Variants in FGFR1 observed in about 807,000 individuals in gnomAD.
The protein encoded by FGFR1 is fibroblast growth factor receptor 1.
A neutral mutation model predicts 93.7 loss-of-function variants in FGFR1; 18 were observed. That is an observed-to-expected ratio of 0.19 (90% CI 0.13 to 0.28). FGFR1 has a LOEUF of 0.28. Among genes scored for constraint, FGFR1 ranks in the 10% least tolerant of loss-of-function variants. The probability of loss-of-function intolerance (pLI) is 1.00; values close to 1 mark genes in which losing one functional copy is unlikely to be tolerated. For missense variants in FGFR1, 731 were observed against 1,080.4 expected, an observed-to-expected ratio of 0.68 and a Z score of 4.53; for synonymous variants, 448 against 429.3, an observed-to-expected ratio of 1.04 and a Z score of -0.54.
intron 12 of FGFR1, among the ~76,000 whole-genome samples, chr8:38,416,581 G>A (rs1357481589): frequency 2.1e-5 from 3 of 145,692 alleles, no homozygotes; most frequent in South Asian, 2.3e-4. Context: ...ACAGCCTCCC[G>A]AGTAGCTGGA....
intron 2 of FGFR1, 151 bp downstream of exon 2, chr8:38,457,205 G>T (rs956285555): frequency 4.7e-6 from 4 of 848,782 alleles, no homozygotes; most frequent in South Asian, 1.5e-5. Flanking sequence ...CAGGTATCTT[G>T]AGAGTTTCTC....
chr8:38,421,718 T>C (rs748590018), intron 8 of FGFR1, 79 bp downstream of exon 8: 5 of 1,477,530 alleles, frequency 3.4e-6, no homozygotes, highest in Non-Finnish European at 4.7e-6. Flanking sequence ...CCTCTGTGTC[T>C]CCCCAAGCCT....
In FGFR1 at chr8:38,413,638, T is replaced by C. The variant is rs2150503863; in HGVS notation, c.2459A>G (p.Lys820Arg). Residue 820 changes from lysine (K) to arginine (R), a missense_variant, in exon 18 of 18, where the codon AAA becomes AGA. Physicochemically the swap from Lys to Arg is conservative, Grantham distance 26. Coordinates refer to ENST00000447712, the MANE Select transcript of FGFR1 (RefSeq NM_023110.3). This position sits in a 1 kb window ranked among gnomAD's most constrained non-coding sequence, Gnocchi z 4.2. ...HPAQLANGGL[K>R]RR The stretch of plus-strand genomic sequence containing the variant: ...GCGTGTGGGTGGCAGTCAGCGGCGT[T>C]TGAGTCCGCCATTGGCAAGCTGGGC... 6.2e-7 allele frequency: 1 copy of C among 1,610,730 alleles called. No individual in the cohort carries two copies. Among genetic ancestry groups the C allele is most frequent in the Non-Finnish European group, 8.5e-7 (1 of 1,178,928 alleles).
In FGFR1 at chr8:38,450,888, C is replaced by CCAG. The variant is rs145652622; in HGVS notation, c.91+6465_91+6467dup. Among the ~76,000 whole-genome samples the CCAG allele has an allele frequency of 1.3e-3, 195 of 152,286 alleles. 1 individual carries two copies. The highest frequency in any genetic ancestry group is 2.1e-3 in the Non-Finnish European group (141 of 68,008). On this transcript the variant is annotated intron_variant, in intron 2 of 17. Transcript: ENST00000447712. ...TCGGAGTGGCTTTGCTGCGCTTGCC[C>CCAG]CAGCTTGGTCAAGAGGGCCACGTGA...
intron 1 of FGFR1, chr8:38,461,243 A>T (rs567640338): frequency 1.1e-6 from 1 of 936,402 alleles, no homozygotes; most frequent in South Asian, 1.7e-5. Flanking sequence ...GTGACCTTGA[A>T]GCTCTCCCAC....
Position 38,412,828 on chromosome 8 carries a change from C to T in FGFR1, c.*800G>A. ...AGCAAAAGTAGCAAAAAATATATGA[C>T]CTTTTTAAAAACATTTTCCTTTTTT... is the stretch of plus-strand genomic sequence containing the variant. On this transcript the variant is annotated 3_prime_UTR_variant, in exon 18 of 18. Coordinates refer to ENST00000447712, the MANE Select transcript of FGFR1 (RefSeq NM_023110.3). The T allele has an allele frequency of 4.3e-6, 1 of 233,524 alleles. No individual in the cohort carries two copies. Among genetic ancestry groups the T allele is most frequent in the Admixed American group, 5.6e-5 (1 of 17,804 alleles). 14.5% of individuals were successfully genotyped at this position (233,524 alleles called of 1,614,324 possible). A position where few individuals can be genotyped will look rare whatever the true frequency, so the allele number is the denominator to read the frequency against.
At chr8:38,417,237 T>C (rs1054958752) in intron 12 of FGFR1, 69 bp downstream of exon 12, 18 of 1,255,862 alleles carry the variant, frequency 1.4e-5, no homozygotes, top group Non-Finnish European at 2.0e-5. Context: ...GAGAGAGGCC[T>C]TGGGACTGAT....
chr8:38,456,771 A>C (rs923823283), intron 2 of FGFR1, among the ~76,000 whole-genome samples: 1 of 152,102 alleles, frequency 6.6e-6, no homozygotes, highest in Admixed American at 6.6e-5. Flanking sequence ...GGGTCTCGCT[A>C]TATTGCCTAG....
intron 1 of FGFR1, among the ~76,000 whole-genome samples, chr8:38,464,398 G>A (rs1412194834): frequency 1.3e-5 from 2 of 149,720 alleles, no homozygotes; most frequent in Non-Finnish European, 3.0e-5. Flanking sequence ...AAGACAGGAT[G>A]TACTATGAGT....
intron 2 of FGFR1, 130 bp from the exon 3 acceptor site, chr8:38,430,078 TGGA>T (rs2150970277): frequency 2.2e-6 from 2 of 905,478 alleles, no homozygotes; most frequent in African/African-American, 1.7e-5. Context: ...CATCACTTAC[TGGA>T]GGCTACTGAG....
intron 1 of FGFR1, among the ~76,000 whole-genome samples, chr8:38,461,938 G>A (rs1458388593): frequency 1.3e-5 from 2 of 152,148 alleles, no homozygotes; most frequent in Non-Finnish European, 2.9e-5. Flanking sequence ...AGAAGGACAG[G>A]AACTTCCAAC....
intron 13 of FGFR1, 152 bp from the exon 14 acceptor site, chr8:38,415,053 T>G: frequency 3.1e-6 from 2 of 646,124 alleles, no homozygotes; most frequent in Non-Finnish European, 2.7e-6. Flanking sequence ...TCTTCTAACA[T>G]TCTCTGCCAG....
At chr8:38,445,016 C>T (rs1563578336) in intron 2 of FGFR1, among the ~76,000 whole-genome samples, 1 of 152,160 alleles carries the variant, frequency 6.6e-6, no homozygotes, top group Non-Finnish European at 1.5e-5. Flanking sequence ...CAAGTCACCT[C>T]CCCTCTCAAG....
At chr8:38,418,438 TAGTC>T (rs1817555490) in intron 9 of FGFR1, 65 bp from the exon 10 acceptor site, 9 of 1,545,358 alleles carry the variant, frequency 5.8e-6, no homozygotes, top group South Asian at 1.2e-5. Context: ...TTCCCATTCT[TAGTC>T]AGGGCTTCCC....
chr8:38,442,283 TAAACTCA>T (rs1025441558), intron 2 of FGFR1, among the ~76,000 whole-genome samples: 7 of 151,908 alleles, frequency 4.6e-5, no homozygotes, highest in African/African-American at 1.7e-4. Context: ...AATCACATCC[TAAACTCA>T]AAGCAAAGTC....
chr8:38,467,166 T>C (rs1586831107), intron 1 of FGFR1, among the ~76,000 whole-genome samples: 2 of 151,982 alleles, frequency 1.3e-5, no homozygotes, highest in Non-Finnish European at 1.5e-5. Context: ...GACCGAACGG[T>C]CCTTCCGCCC....
chr8:38,425,157 TA>T (rs1820290932), intron 6 of FGFR1, among the ~76,000 whole-genome samples: 3 of 147,484 alleles, frequency 2.0e-5, no homozygotes, highest in East Asian at 2.1e-4. Context: ...TTTTTTTTTT[TA>T]AAGGCAGGGT....
intron 2 of FGFR1, among the ~76,000 whole-genome samples, chr8:38,452,941 C>T (rs1831550807): frequency 6.6e-6 from 1 of 152,220 alleles, no homozygotes; most frequent in Admixed American, 6.5e-5. Context: ...CACGCCACTG[C>T]ACTCCAGCCT....
rs1586087834 is a variant in FGFR1, at chr8:38,413,777, C to T, written c.2320G>A (p.Asp774Asn). ...TCGGGAAAGCTGGGGGAGTACTGGTCCAGGGGCATGGACAGGTCCAGGTAC... is the reference window on the plus strand; with the variant it reads ...TCGGGAAAGCTGGGGGAGTACTGGTTCAGGGGCATGGACAGGTCCAGGTAC... ...QEYLDLSMPL[D>N]QYSPSFPDTR... Residue 774 changes from aspartate to asparagine, a missense_variant, in exon 18 of 18, where the codon GAC becomes AAC. This residue lies in a region of FGFR1 where 79 missense variants were observed against 97.2 expected (regional missense o/e 0.81). Coordinates refer to ENST00000447712, the MANE Select transcript of FGFR1 (RefSeq NM_023110.3). This position sits in a 1 kb window ranked among gnomAD's most constrained non-coding sequence, Gnocchi z 4.2. 1 of 1,614,028 alleles carries T rather than the reference C, an allele frequency of 6.2e-7. No individual in the cohort carries two copies. Among genetic ancestry groups the T allele is most frequent in the Middle Eastern group, 1.6e-4 (1 of 6,062 alleles).
Sources: allele counts gnomAD v4.1 joint callset (sites outside exome capture counted in the v4.1 genomes callset), GRCh38; gene constraint gnomAD v4.1.1; regional missense constraint gnomAD v4.1.1; non-coding constraint Gnocchi (gnomAD v3.1); transcripts MANE v1.5; gene names NCBI Gene and HGNC (gene_info 2026-07-23, HGNC 2026-07-21).